Variants in GABRG3 observed in about 807,000 individuals in gnomAD.
GABRG3 encodes the protein gamma-aminobutyric acid receptor subunit gamma-3.
Under a neutral mutation model 48.8 loss-of-function variants are expected in GABRG3, and 25 were observed. That is an observed-to-expected ratio of 0.51 (90% CI 0.37 to 0.72). The LOEUF is 0.72. GABRG3 is among the 30% of genes least tolerant of loss of function. GABRG3 has a pLI of 0.00. For synonymous variants in GABRG3, 227 were observed against 217.6 expected, an observed-to-expected ratio of 1.04 and a Z score of -0.38; for missense variants, 394 against 577.9, an observed-to-expected ratio of 0.68 and a Z score of 3.26.
At chr15:27,268,681 T>G (rs1842433604) in intron 3 of GABRG3, among the ~76,000 whole-genome samples, 1 of 152,256 alleles carries the variant, frequency 6.6e-6, no homozygotes, top group African/African-American at 2.4e-5. Context: ...CTAGTTCTGG[T>G]TTAGATACAT....
At chr15:27,216,182 T>C (rs72702049) in intron 3 of GABRG3, among the ~76,000 whole-genome samples, 1 of 152,222 alleles carries the variant, frequency 6.6e-6, no homozygotes, top group African/African-American at 2.4e-5. Flanking sequence ...AGGCTGCCTT[T>C]GTGGGCATTG....
chr15:27,393,155 C>CT (rs535501004), intron 5 of GABRG3, among the ~76,000 whole-genome samples: 90 of 151,972 alleles, frequency 5.9e-4, no homozygotes, highest in East Asian at 3.3e-3. Context: ...ACCATCCTGG[C>CT]AACACGGTGA....
intron 3 of GABRG3, among the ~76,000 whole-genome samples, chr15:27,141,202 C>T (rs1898096687): frequency 6.6e-6 from 1 of 152,150 alleles, no homozygotes; most frequent in South Asian, 2.1e-4. Flanking sequence ...AGCCCTCACA[C>T]ACCATAAGAA....
At chr15:27,263,571 C>A (rs1027139997) in intron 3 of GABRG3, among the ~76,000 whole-genome samples, 4 of 152,158 alleles carry the variant, frequency 2.6e-5, no homozygotes, top group African/African-American at 9.7e-5. Flanking sequence ...CCTTTGTTTT[C>A]TTTCCATCTA....
chr15:27,255,593 C>T (rs1890586696), intron 3 of GABRG3, among the ~76,000 whole-genome samples: 1 of 151,360 alleles, frequency 6.6e-6, no homozygotes, highest in African/African-American at 2.4e-5. Context: ...TTCATCTTTC[C>T]TTTTTTTTTG....
chr15:27,280,441 G>C (rs1385676283), intron 3 of GABRG3: 1 of 152,118 alleles, frequency 6.6e-6, no homozygotes, highest in Non-Finnish European at 1.5e-5. Context: ...ATAGAATCTT[G>C]TTTTTTAGTG....
intron 5 of GABRG3, among the ~76,000 whole-genome samples, chr15:27,468,647 C>T (rs763754878): frequency 6.6e-6 from 1 of 152,110 alleles, no homozygotes; most frequent in Non-Finnish European, 1.5e-5. Flanking sequence ...TATTACTCCT[C>T]ACTGTATTAT....
At chr15:27,490,717 C>A (rs1375832634) in intron 6 of GABRG3, among the ~76,000 whole-genome samples, 4 of 152,222 alleles carry the variant, frequency 2.6e-5, no homozygotes, top group Admixed American at 6.5e-5. Context: ...TCCTTCCAGA[C>A]CCCAACTTTC....
chr15:27,022,064 T>C (rs1299870192), intron 2 of GABRG3, among the ~76,000 whole-genome samples: 1 of 152,122 alleles, frequency 6.6e-6, no homozygotes, highest in Admixed American at 6.6e-5. Context: ...CTTCCCCTGG[T>C]AGATGACTGC....
At chr15:27,292,808 T>G (rs1026525493) in intron 3 of GABRG3, among the ~76,000 whole-genome samples, 1 of 152,206 alleles carries the variant, frequency 6.6e-6, no homozygotes. Context: ...AGACTATTTC[T>G]ATCACAGCAG....
chr15:26,995,445 A>C (rs1177219076), intron 2 of GABRG3, among the ~76,000 whole-genome samples: 2 of 151,770 alleles, frequency 1.3e-5, no homozygotes, highest in Non-Finnish European at 2.9e-5. Context: ...TTTATCTTGA[A>C]TATTATTGCT....
chr15:27,145,606 T>TATCTATCTATCTATCTATCTATCTATC (rs1555405986), intron 3 of GABRG3, among the ~76,000 whole-genome samples: 10,952 of 117,736 alleles, frequency 0.093, 748 homozygotes, highest in Middle Eastern at 0.12. Context: ...TATCTATCTC[T>TATCTATCTATCTATCTATCTATCTATC]ATCTATCTAT....
chr15:27,080,290 G>GTAAA (rs3063256), intron 3 of GABRG3, among the ~76,000 whole-genome samples: 21,247 of 151,414 alleles, frequency 0.14, 1,564 homozygotes, highest in East Asian at 0.26. Context: ...TCTCTAATAA[G>GTAAA]TAAATAAATA....
intron 3 of GABRG3, among the ~76,000 whole-genome samples, chr15:27,285,291 GTGTGTGTGTGTT>G (rs1348642547): frequency 1.5e-5 from 2 of 130,326 alleles, no homozygotes; most frequent in Non-Finnish European, 3.1e-5. Flanking sequence ...GTGTGTGTGT[GTGTGTGTGTGTT>G]TTCTTCTTTG....
chr15:27,437,686 G>A (rs1466061381), intron 5 of GABRG3, among the ~76,000 whole-genome samples: 1 of 152,242 alleles, frequency 6.6e-6, no homozygotes, highest in Non-Finnish European at 1.5e-5. Context: ...CTGGGCCTAT[G>A]TAGGTGTTTT....
At chr15:27,491,058 G>C (rs952226246) in intron 6 of GABRG3, among the ~76,000 whole-genome samples, 1 of 152,346 alleles carries the variant, frequency 6.6e-6, no homozygotes, top group Non-Finnish European at 1.5e-5. Flanking sequence ...ACGCATGAGA[G>C]GAATGCAGGA....
intron 3 of GABRG3, among the ~76,000 whole-genome samples, chr15:27,301,988 G>A (rs1182533374): frequency 6.6e-6 from 1 of 151,916 alleles, no homozygotes; most frequent in Non-Finnish European, 1.5e-5. Flanking sequence ...CAGGGATAAA[G>A]GCACTCTCAG....
At position 27,100,753 on chromosome 15, in the gene GABRG3, G is replaced by T. The variant is rs577534642; in HGVS notation, c.270+73932G>T. 1.3e-4 allele frequency among the ~76,000 whole-genome samples: 20 copies of T among 152,268 alleles called. No homozygotes were observed. In the East Asian group the frequency reaches 2.9e-3, roughly 22 times the overall value. ...CAATTATATCATTTTATGCGAAAATGTATTTGACAAAATATAATACTTATT... is the reference window on the plus strand; with the variant it reads ...CAATTATATCATTTTATGCGAAAATTTATTTGACAAAATATAATACTTATT... On this transcript the variant is annotated intron_variant, in intron 3 of 9. Coordinates refer to ENST00000615808, the MANE Select transcript of GABRG3 (RefSeq NM_033223.5).
chr15:27,195,293 G>A (rs1259775675), intron 3 of GABRG3, among the ~76,000 whole-genome samples: 1 of 152,072 alleles, frequency 6.6e-6, no homozygotes, highest in Admixed American at 6.6e-5. Flanking sequence ...GGCATGATGA[G>A]TAATTTGTTT....
Sources: gnomAD v4.1 joint callset for allele counts (sites outside exome capture counted in the v4.1 genomes callset) on GRCh38, gnomAD v4.1.1 for gene constraint, MANE v1.5 for transcripts, NCBI Gene and HGNC (gene_info 2026-07-23, HGNC 2026-07-21) for gene names.